The following ACTA2 variants were observed in gnomAD, a reference collection of about 807,000 sequenced individuals.
ACTA2 encodes the protein actin alpha 2, smooth muscle, also known as actin, aortic smooth muscle.
ACTA2 carries 12 observed loss-of-function variants against 39.5 expected under a neutral mutation model. That is an observed-to-expected ratio of 0.30 (90% CI 0.19 to 0.49). The LOEUF is 0.49. Among genes scored for constraint, ACTA2 ranks in the 20% least tolerant of loss-of-function variants. The pLI is 0.99. For missense variants in ACTA2, 236 were observed against 498.8 expected (o/e 0.47, Z 5.02); for synonymous variants, 158 against 180.6 (o/e 0.88, Z 1.00).
At chr10:88,957,590 A>G (rs1846157584), upstream of ACTA2, among the ~76,000 whole-genome samples, 1 of 152,224 alleles carries the variant, frequency 6.6e-6, no homozygotes, top group African/African-American at 2.4e-5. Flanking sequence ...CTTTCCCATT[A>G]ACAAGTCAGA....
At chr10:88,943,044 A>G (rs751159563) in intron 4 of ACTA2, among the ~76,000 whole-genome samples, 7 of 152,258 alleles carry the variant, frequency 4.6e-5, no homozygotes, top group Non-Finnish European at 4.4e-5. Context: ...TGTAGTCAAT[A>G]TAATCATAGT....
At chr10:88,964,280 CTT>C (rs1846284351) in intron 1 of ACTA2, among the ~76,000 whole-genome samples, 1 of 152,100 alleles carries the variant, frequency 6.6e-6, no homozygotes, top group South Asian at 2.1e-4. Flanking sequence ...AACAAATAGG[CTT>C]CACGTATATA....
At chr10:88,935,946 C>A (rs1190879647) in intron 8 of ACTA2, among the ~76,000 whole-genome samples, 1 of 152,026 alleles carries the variant, frequency 6.6e-6, no homozygotes, top group Non-Finnish European at 1.5e-5. Context: ...ACAGGCCTAA[C>A]CTGCAAGGCA....
chr10:88,962,000 A>G, intron 1 of ACTA2, among the ~76,000 whole-genome samples: 1 of 152,186 alleles, frequency 6.6e-6, no homozygotes, highest in East Asian at 1.9e-4. Context: ...TCAGTAATCT[A>G]TATTCCAAAA....
At chr10:88,935,603 C>T (rs1845722523) in intron 8 of ACTA2, 1 of 455,328 alleles carries the variant, frequency 2.2e-6, no homozygotes, top group Admixed American at 3.3e-5. Context: ...TCACCTGTAA[C>T]TCTTCGACCA....
At chr10:88,939,442 A>C (rs757845780) in intron 7 of ACTA2, 65 bp downstream of exon 7, 1 of 1,601,608 alleles carries the variant, frequency 6.2e-7, no homozygotes, top group Non-Finnish European at 8.5e-7. Flanking sequence ...CATGTTCTGG[A>C]GGCTGGCTTG....
chr10:88,989,976 G>C (rs1477323068), intron 1 of ACTA2, among the ~76,000 whole-genome samples: 1 of 152,194 alleles, frequency 6.6e-6, no homozygotes. Context: ...GTGTTCACCA[G>C]AGCACGAAAG....
At chr10:88,973,547 A>G (rs1025269875) in intron 1 of ACTA2, 2 of 374,916 alleles carry the variant, frequency 5.3e-6, no homozygotes, top group African/African-American at 2.1e-5. Flanking sequence ...TTGGGATGCA[A>G]TGTTGTGTTT....
chr10:88,954,141 G>C (rs1031398963), upstream of ACTA2, among the ~76,000 whole-genome samples: 2 of 152,160 alleles, frequency 1.3e-5, no homozygotes, highest in African/African-American at 4.8e-5. Flanking sequence ...CTGTGGACAT[G>C]TGAGAAAAAT....
At chr10:88,956,085 G>A (rs899663773), upstream of ACTA2, among the ~76,000 whole-genome samples, 3 of 152,178 alleles carry the variant, frequency 2.0e-5, no homozygotes, top group African/African-American at 7.2e-5. Flanking sequence ...TTCTAGAGGT[G>A]AGACAGACAC....
intron 1 of ACTA2, among the ~76,000 whole-genome samples, chr10:88,964,113 A>G (rs1186161979): frequency 1.3e-5 from 2 of 152,032 alleles, no homozygotes; most frequent in African/African-American, 2.4e-5. Context: ...CTTTAGTTTC[A>G]TATATTTACT....
chr10:88,950,558 C>A (rs1472639964), intron 1 of ACTA2, among the ~76,000 whole-genome samples: 1 of 152,188 alleles, frequency 6.6e-6, no homozygotes, highest in East Asian at 1.9e-4. Context: ...AAAGTCAAGG[C>A]ATGTAATATT....
At chr10:88,944,406 C>A (rs1014621436) in intron 3 of ACTA2, among the ~76,000 whole-genome samples, 2 of 152,158 alleles carry the variant, frequency 1.3e-5, no homozygotes, top group Non-Finnish European at 2.9e-5. Context: ...ACTCTATTTT[C>A]TTTGTTCTCT....
In ACTA2 at chr10:88,935,486, G is replaced by A. The variant is rs3781212; in HGVS notation, c.991-120C>T. ...AGTTTCTTGTTCAGCAGGGACACAG[G>A]CTTGTCTGTTAGATGCCAATTGTGT... On this transcript the variant is annotated intron_variant, in intron 8 of 8. Coordinates refer to ENST00000224784, the MANE Select transcript of ACTA2 (RefSeq NM_001613.4). 0.035 allele frequency: 41,108 copies of A among 1,174,542 alleles called. 1,363 individuals are homozygous for A. The highest frequency in any genetic ancestry group is 0.14 in the East Asian group (5,736 of 41,498). 72.8% of individuals were successfully genotyped at this position (1,174,542 alleles called of 1,614,324 possible).
At chr10:88,946,157 C>A (rs568160979) in intron 3 of ACTA2, among the ~76,000 whole-genome samples, 1 of 152,088 alleles carries the variant, frequency 6.6e-6, no homozygotes, top group Non-Finnish European at 1.5e-5. Flanking sequence ...AGTGCAACAG[C>A]TGATGGTATG....
At chr10:88,937,864 T>G (rs1327118178) in intron 8 of ACTA2, among the ~76,000 whole-genome samples, 197 bp downstream of exon 8, 1 of 152,140 alleles carries the variant, frequency 6.6e-6, no homozygotes, top group Admixed American at 6.5e-5. Flanking sequence ...GAGATCAAAT[T>G]TTATATAAAG....
In ACTA2 at chr10:88,977,466, A is replaced by G. The variant is rs184450375; in HGVS notation, c.-24+13473T>C. Among the ~76,000 whole-genome samples, 37 of 152,246 alleles carry G rather than the reference A, an allele frequency of 2.4e-4. No homozygotes were observed. In the East Asian group the frequency reaches 6.9e-3, roughly 29 times the overall value. On this transcript the variant is annotated intron_variant, in intron 1 of 4. Coordinates refer to the ACTA2 transcript ENST00000415557. ...TTTTCTCAGGTTTGTCAAAGATCAG[A>G]TAGTTGTAGATATGCGGCGTTCAAC...
chr10:88,936,562 C>T (rs930435568), intron 8 of ACTA2, among the ~76,000 whole-genome samples: 1 of 129,650 alleles, frequency 7.7e-6, no homozygotes, highest in African/African-American at 2.8e-5. Flanking sequence ...TGGCACCCTC[C>T]CCCCACCCCT....
At chr10:88,951,187 A>C (rs1229176448) in intron 1 of ACTA2, among the ~76,000 whole-genome samples, 1 of 152,172 alleles carries the variant, frequency 6.6e-6, no homozygotes, top group Admixed American at 6.6e-5. Flanking sequence ...ACTATAAAGG[A>C]GAAAAAAGGG....
Sources: gnomAD v4.1 joint callset for allele counts (sites outside exome capture counted in the v4.1 genomes callset) on GRCh38, gnomAD v4.1.1 for gene constraint, MANE v1.5 for transcripts, NCBI Gene and HGNC (gene_info 2026-07-23, HGNC 2026-07-21) for gene names.